The following TPRG1 variants were observed in gnomAD, a reference collection of about 807,000 sequenced individuals.
TPRG1 encodes the protein tumor protein p63 regulated 1, also known as tumor protein p63-regulated gene 1 protein.
TPRG1 carries 29 observed loss-of-function variants against 29.3 expected under a neutral mutation model. That is an observed-to-expected ratio of 0.99 (90% CI 0.74 to 1.35). The LOEUF (loss-of-function observed/expected upper bound fraction) is 1.35, where lower values mean the gene tolerates loss of function less well. Ranked by LOEUF, TPRG1 falls within the 40% of genes most tolerant of loss-of-function variation. The probability of loss-of-function intolerance (pLI) is 0.00; values close to 1 mark genes in which losing one functional copy is unlikely to be tolerated. For missense variants in TPRG1, 327 were observed against 335.0 expected (o/e 0.98, Z 0.19); for synonymous variants, 130 against 116.8 (o/e 1.11, Z -0.73).
At chr3:189,242,227 C>T (rs1740730632) in intron 4 of TPRG1, among the ~76,000 whole-genome samples, 1 of 152,004 alleles carries the variant, frequency 6.6e-6, no homozygotes, top group African/African-American at 2.4e-5. Context: ...TAGTACTTTT[C>T]TCTGTGTGTT....
intron 3 of TPRG1, among the ~76,000 whole-genome samples, chr3:189,017,132 G>A (rs1191881770): frequency 6.6e-6 from 1 of 150,568 alleles, no homozygotes; most frequent in Non-Finnish European, 1.5e-5. Context: ...TTTTGTTCAT[G>A]CCTTTTCATT....
intron 4 of TPRG1, among the ~76,000 whole-genome samples, chr3:189,065,955 C>T (rs1369900681): frequency 6.6e-6 from 1 of 152,114 alleles, no homozygotes; most frequent in Non-Finnish European, 1.5e-5. Flanking sequence ...AATTCATCAA[C>T]TTTGCAGGAT....
At chr3:189,164,321 C>A (rs758590539) in intron 5 of TPRG1, among the ~76,000 whole-genome samples, 2 of 152,088 alleles carry the variant, frequency 1.3e-5, no homozygotes, top group African/African-American at 2.4e-5. Flanking sequence ...CACCATCATG[C>A]CTGGCTAATT....
intron 1 of TPRG1, among the ~76,000 whole-genome samples, chr3:189,000,205 T>C (rs1460611963): frequency 6.6e-6 from 1 of 152,114 alleles, no homozygotes; most frequent in African/African-American, 2.4e-5. Context: ...TGTAGCAGTG[T>C]TTACCTGCTA....
At chr3:189,000,554 T>C (rs1711973044) in intron 1 of TPRG1, among the ~76,000 whole-genome samples, 2 of 152,112 alleles carry the variant, frequency 1.3e-5, no homozygotes, top group South Asian at 2.1e-4. Flanking sequence ...GATGGATTCA[T>C]TTTTAAAAAT....
intron 4 of TPRG1, among the ~76,000 whole-genome samples, chr3:189,028,818 GTACGTTAGTTAGAGTACATCA>G (rs972769373): frequency 4.6e-5 from 7 of 152,150 alleles, no homozygotes; most frequent in African/African-American, 1.7e-4. Flanking sequence ...TATTTCTACT[GTACGTTAGTTAGAGTACATCA>G]TAGCCCCTGC....
At chr3:189,099,150 C>T (rs1393459690), upstream of TPRG1, among the ~76,000 whole-genome samples, 1 of 152,048 alleles carries the variant, frequency 6.6e-6, no homozygotes, top group Non-Finnish European at 1.5e-5. Flanking sequence ...CGACACCACA[C>T]TTGGTCAGCT....
chr3:189,103,175 G>GT (rs1719406444), intron 1 of TPRG1, among the ~76,000 whole-genome samples: 1 of 152,124 alleles, frequency 6.6e-6, no homozygotes, highest in East Asian at 1.9e-4. Context: ...CCTGCCACTT[G>GT]TTTTTGTAAA....
At chr3:189,010,697 G>A (rs544130956) in intron 3 of TPRG1, among the ~76,000 whole-genome samples, 1 of 152,244 alleles carries the variant, frequency 6.6e-6, no homozygotes, top group African/African-American at 2.4e-5. Flanking sequence ...CAGATGGATA[G>A]ATTTCAAAAA....
Position 189,204,945 on chromosome 3 carries a change from T to TCACACACA in TPRG1, c.-9-2430_-9-2429insACACACAC, listed in dbSNP as rs1206636743. Among the ~76,000 whole-genome samples, 119 of 92,728 alleles carry TCACACACA rather than the reference T, an allele frequency of 1.3e-3. 2 individuals are homozygous for TCACACACA. The highest frequency in any genetic ancestry group is 0.01 in the Middle Eastern group (2 of 196). 60.8% of individuals were successfully genotyped at this position (92,728 alleles called of 152,430 possible). On this transcript the variant is annotated intron_variant, in intron 1 of 5. Transcript: ENST00000345063. ...CTCTGTCTCTATGTCTCTCTCTCTCTCTCACACACACACACACACACACAC... is the reference window on the plus strand; with the variant it reads ...CTCTGTCTCTATGTCTCTCTCTCTCTCACACACACTCACACACACACACACACACACAC...
chr3:189,312,501 A>G (rs1355726424), intron 5 of TPRG1, among the ~76,000 whole-genome samples: 1 of 152,180 alleles, frequency 6.6e-6, no homozygotes, highest in East Asian at 1.9e-4. Flanking sequence ...CAAAATAAAT[A>G]CTAACTGCCT....
intron 4 of TPRG1, among the ~76,000 whole-genome samples, chr3:189,092,717 G>A (rs1405256616): frequency 1.3e-5 from 2 of 152,058 alleles, no homozygotes; most frequent in Non-Finnish European, 2.9e-5. Flanking sequence ...CTGTCTACGG[G>A]CAATACCACT....
At chr3:189,064,711 G>A (rs967005812) in intron 4 of TPRG1, among the ~76,000 whole-genome samples, 2 of 152,054 alleles carry the variant, frequency 1.3e-5, no homozygotes, top group South Asian at 2.1e-4. Context: ...AGATGCTGCA[G>A]CCATTACATT....
intron 4 of TPRG1, among the ~76,000 whole-genome samples, chr3:189,299,760 A>G (rs1044849297): frequency 2.6e-5 from 4 of 152,156 alleles, no homozygotes; most frequent in African/African-American, 9.7e-5. Context: ...ATCAGCTCAC[A>G]GTTCATTTGA....
At chr3:189,071,115 TC>T (rs925064145) in intron 4 of TPRG1, among the ~76,000 whole-genome samples, 1 of 144,146 alleles carries the variant, frequency 6.9e-6, no homozygotes, top group Non-Finnish European at 1.5e-5. Flanking sequence ...TCAGTGAAGG[TC>T]CCCAGACCAG....
At chr3:189,113,253 T>C (rs1259037022) in intron 1 of TPRG1, among the ~76,000 whole-genome samples, 1 of 152,252 alleles carries the variant, frequency 6.6e-6, no homozygotes, top group African/African-American at 2.4e-5. Context: ...CTGAAGCTGC[T>C]TATCAGCTTA....
intron 3 of TPRG1, among the ~76,000 whole-genome samples, chr3:189,011,652 C>A (rs955276282): frequency 6.6e-6 from 1 of 152,054 alleles, no homozygotes; most frequent in African/African-American, 2.4e-5. Context: ...AAGACCGGCC[C>A]CCATGAATCA....
At chr3:189,052,215 C>T (rs1715365270) in intron 4 of TPRG1, among the ~76,000 whole-genome samples, 2 of 152,160 alleles carry the variant, frequency 1.3e-5, no homozygotes, top group Admixed American at 1.3e-4. Context: ...GGACTACTAT[C>T]CAGAACTGCA....
At chr3:189,313,806 T>C (rs1723066443) in intron 5 of TPRG1, among the ~76,000 whole-genome samples, 1 of 152,128 alleles carries the variant, frequency 6.6e-6, no homozygotes, top group Non-Finnish European at 1.5e-5. Context: ...CAAATATTTT[T>C]AAGAGTTCTA....
Sources: allele counts gnomAD v4.1 joint callset (sites outside exome capture counted in the v4.1 genomes callset), GRCh38; gene constraint gnomAD v4.1.1; transcripts MANE v1.5; gene names NCBI Gene and HGNC (gene_info 2026-07-23, HGNC 2026-07-21).